GSTCD: variants seen among roughly 807,000 people sequenced by gnomAD.
GSTCD encodes the protein glutathione S-transferase C-terminal domain containing, also known as glutathione S-transferase C-terminal domain-containing protein.
A neutral mutation model predicts 68.3 loss-of-function variants in GSTCD; 44 were observed. The ratio of observed to expected loss-of-function variants is 0.64; its 90% CI spans 0.51 to 0.83. GSTCD has a LOEUF of 0.83. Ranked by LOEUF, GSTCD falls within the 40% of genes least tolerant of loss-of-function variation. The pLI, the probability that GSTCD is intolerant of heterozygous loss-of-function variation, is 0.00. For synonymous variants in GSTCD, 273 were observed against 255.2 expected (o/e 1.07, Z -0.67); for missense variants, 739 against 735.9 (o/e 1.00, Z -0.05).
chr4:105,789,548 T>C (rs1363542562), intron 5 of GSTCD, among the ~76,000 whole-genome samples: 2 of 152,048 alleles, frequency 1.3e-5, no homozygotes, highest in Non-Finnish European at 2.9e-5. Flanking sequence ...CATTAGTTGC[T>C]ACGGGCCTCT....
chr4:105,811,385 GT>G (rs1297050528), intron 5 of GSTCD, among the ~76,000 whole-genome samples: 1 of 151,926 alleles, frequency 6.6e-6, no homozygotes, highest in Non-Finnish European at 1.5e-5. Flanking sequence ...ATCATGGCGT[GT>G]TTGAAGAATA....
intron 5 of GSTCD, among the ~76,000 whole-genome samples, chr4:105,773,476 G>C (rs1014912459): frequency 6.6e-6 from 1 of 152,120 alleles, no homozygotes; most frequent in African/African-American, 2.4e-5. Flanking sequence ...GATCTTTCCT[G>C]CTTTCTCCTG....
intron 5 of GSTCD, among the ~76,000 whole-genome samples, chr4:105,803,489 A>G (rs1309330772): frequency 6.6e-6 from 1 of 152,122 alleles, no homozygotes; most frequent in Non-Finnish European, 1.5e-5. Context: ...TGATACTCAT[A>G]AATATGACAC....
intron 3 of GSTCD, among the ~76,000 whole-genome samples, chr4:105,722,108 T>C (rs1732874673): frequency 6.6e-6 from 1 of 152,140 alleles, no homozygotes; most frequent in African/African-American, 2.4e-5. Flanking sequence ...ATCTTGTAAT[T>C]TGACCACTTA....
chr4:105,775,028 A>G (rs1734999527), intron 5 of GSTCD, among the ~76,000 whole-genome samples: 1 of 152,152 alleles, frequency 6.6e-6, no homozygotes. Context: ...ACATAGTCCC[A>G]TATTTCTTGG....
At chr4:105,842,217 A>T in intron 11 of GSTCD, 83 bp downstream of exon 11, 1 of 1,035,044 alleles carries the variant, frequency 9.7e-7, no homozygotes, top group Non-Finnish European at 1.5e-6. Context: ...TATGGGAAAA[A>T]TTTAGCAACA....
chr4:105,739,466 C>T (rs1733562388), intron 5 of GSTCD, among the ~76,000 whole-genome samples: 1 of 152,156 alleles, frequency 6.6e-6, no homozygotes, highest in Non-Finnish European at 1.5e-5. Context: ...TGGTATAATT[C>T]AGCTGTGAAG....
At chr4:105,781,828 G>A (rs1457181221) in intron 5 of GSTCD, among the ~76,000 whole-genome samples, 5 of 147,576 alleles carry the variant, frequency 3.4e-5, no homozygotes, top group African/African-American at 7.6e-5. Flanking sequence ...CAAAGATAAT[G>A]CGGGTTTGGA....
chr4:105,718,087 C>T (rs569638729), intron 2 of GSTCD, 48 bp downstream of exon 2: 1 of 1,375,182 alleles, frequency 7.3e-7, no homozygotes, highest in Middle Eastern at 1.9e-4. Flanking sequence ...ACAGTGATAA[C>T]ATAATTACCT....
At chr4:105,801,105 G>A (rs1736089872) in intron 5 of GSTCD, among the ~76,000 whole-genome samples, 1 of 151,970 alleles carries the variant, frequency 6.6e-6, no homozygotes, top group South Asian at 2.1e-4. Flanking sequence ...AGAACTAAAT[G>A]GACCATGAGA....
At chr4:105,756,464 G>C (rs1734194048) in intron 5 of GSTCD, among the ~76,000 whole-genome samples, 1 of 150,676 alleles carries the variant, frequency 6.6e-6, no homozygotes, top group Non-Finnish European at 1.5e-5. Context: ...GGAAATTTGT[G>C]TCAGGCACTG....
chr4:105,799,253 C>G (rs1190015582), intron 5 of GSTCD, among the ~76,000 whole-genome samples: 1 of 152,276 alleles, frequency 6.6e-6, no homozygotes, highest in East Asian at 1.9e-4. Context: ...ACAAACACTT[C>G]CCAATATCAG....
chr4:105,846,600 C>A lies in GSTCD; in HGVS notation c.*1023C>A, dbSNP rs958717508. The A allele has an allele frequency of 6.8e-6, 1 of 147,458 alleles. No homozygotes were observed. 9.1% of individuals were successfully genotyped at this position (147,458 alleles called of 1,614,324 possible). ...TTCTTTTCAATTCAAAGATGAGTTG[C>A]AAAAGACATAATGTTTTGCCTATGG... On this transcript the variant is annotated 3_prime_UTR_variant, in exon 12 of 12. Coordinates refer to ENST00000515279, the MANE Select transcript of GSTCD (RefSeq NM_001370181.1).
intron 8 of GSTCD, among the ~76,000 whole-genome samples, chr4:105,830,470 C>T (rs947463259): frequency 1.3e-5 from 2 of 151,860 alleles, no homozygotes; most frequent in African/African-American, 2.4e-5. Flanking sequence ...TGTACATACC[C>T]CTTTTCAGCA....
At chr4:105,771,410 T>C (rs2149243584) in intron 5 of GSTCD, among the ~76,000 whole-genome samples, 1 of 152,282 alleles carries the variant, frequency 6.6e-6, no homozygotes, top group Non-Finnish European at 1.5e-5. Flanking sequence ...TTGGTTGCCA[T>C]TGGTTTTGGT....
At chr4:105,774,685 C>T (rs1358551983) in intron 5 of GSTCD, among the ~76,000 whole-genome samples, 1 of 152,224 alleles carries the variant, frequency 6.6e-6, no homozygotes, top group African/African-American at 2.4e-5. Context: ...GGTCCCCACT[C>T]TCTTCTGGCT....
chr4:105,760,057 C>T (rs1734341914), intron 5 of GSTCD, among the ~76,000 whole-genome samples: 1 of 151,640 alleles, frequency 6.6e-6, no homozygotes, highest in Admixed American at 6.6e-5. Flanking sequence ...TGTTCTCTAC[C>T]TTCGCAATGT....
At chr4:105,745,755 T>G (rs1733777969) in intron 5 of GSTCD, among the ~76,000 whole-genome samples, 1 of 152,218 alleles carries the variant, frequency 6.6e-6, no homozygotes, top group Non-Finnish European at 1.5e-5. Flanking sequence ...ACATAATAAC[T>G]ATATAAATCA....
chr4:105,794,796 T>C (rs930785700), intron 5 of GSTCD, among the ~76,000 whole-genome samples: 1 of 151,934 alleles, frequency 6.6e-6, no homozygotes, highest in African/African-American at 2.4e-5. Flanking sequence ...CTACCACGTT[T>C]GTTTTTACTT....
Sources: allele counts gnomAD v4.1 joint callset (sites outside exome capture counted in the v4.1 genomes callset), GRCh38; gene constraint gnomAD v4.1.1; transcripts MANE v1.5; gene names NCBI Gene and HGNC (gene_info 2026-07-23, HGNC 2026-07-21).